TRNT1: variants seen among roughly 807,000 people sequenced by gnomAD.
The protein encoded by TRNT1 is tRNA nucleotidyl transferase 1, also known as CCA tRNA nucleotidyltransferase 1, mitochondrial.
Under a neutral mutation model 45.6 loss-of-function variants are expected in TRNT1, and 44 were observed. The ratio of observed to expected loss-of-function variants is 0.97; its 90% CI spans 0.76 to 1.24. The LOEUF is 1.24. Ranked by LOEUF, TRNT1 falls within the 50% of genes most tolerant of loss-of-function variation. The pLI, the probability that TRNT1 is intolerant of heterozygous loss-of-function variation, is 0.00. For missense variants in TRNT1, 633 were observed against 504.4 expected (o/e 1.25, Z -2.44); for synonymous variants, 201 against 171.4 (o/e 1.17, Z -1.35).
At chr3:3,150,895 T>G, downstream of TRNT1, 1 of 1,613,970 alleles carries the variant, frequency 6.2e-7, no homozygotes, top group Non-Finnish European at 8.5e-7. Flanking sequence ...TGTCTGGACT[T>G]ATTTCATCTT....
downstream of TRNT1, chr3:3,152,431 A>AG (rs1559240710): frequency 6.2e-7 from 1 of 1,602,642 alleles, no homozygotes; most frequent in Admixed American, 1.7e-5. Flanking sequence ...AAGAAAAAAA[A>AG]AAGCAACCAC....
At chr3:3,136,873 ACTC>A (rs769864234) in intron 2 of TRNT1, 17 of 288,818 alleles carry the variant, frequency 5.9e-5, no homozygotes, top group Non-Finnish European at 1.2e-4. Context: ...CTGGTCTTGA[ACTC>A]CTGGGCTCAA....
At chr3:3,131,107 T>A (rs1393123640) in intron 2 of TRNT1, among the ~76,000 whole-genome samples, 1 of 152,070 alleles carries the variant, frequency 6.6e-6, no homozygotes, top group Non-Finnish European at 1.5e-5. Flanking sequence ...TGAGATATTT[T>A]ATATTCTTAC....
chr3:3,147,196 A>G (rs1172103829), intron 6 of TRNT1, among the ~76,000 whole-genome samples: 1 of 152,102 alleles, frequency 6.6e-6, no homozygotes, highest in East Asian at 1.9e-4. Context: ...GTCTGACACC[A>G]CTGTCACCAC....
At chr3:3,143,480 C>T (rs1350016151) in intron 4 of TRNT1, among the ~76,000 whole-genome samples, 1 of 152,182 alleles carries the variant, frequency 6.6e-6, no homozygotes, top group African/African-American at 2.4e-5. Context: ...ACAGTGAAGT[C>T]TCCTGATCTG....
At chr3:3,138,034 AAC>A (rs1705433958) in intron 3 of TRNT1, among the ~76,000 whole-genome samples, 1 of 152,214 alleles carries the variant, frequency 6.6e-6, no homozygotes, top group Admixed American at 6.5e-5. Context: ...AAAAGATTTA[AAC>A]ACATTATATC....
rs199931785 is a variant in TRNT1 at position 3,148,095 on chromosome 3, A to G, written c.1246A>G (p.Lys416Glu). 106 of 1,613,526 alleles carry G rather than the reference A, an allele frequency of 6.6e-5. No individual in the cohort carries two copies. The highest frequency in any genetic ancestry group is 1.6e-4 in the Middle Eastern group (1 of 6,080). ...ALLQQLREQW[K>E]KSGYQMEKDE... ...ATTACAACAGTTGCGAGAACAGTGG[A>G]AAAAAAGTGGTTACCAAATGGAAAA... Residue 416 changes from lysine (K) to glutamate (E), a missense_variant, in exon 8 of 8, where the codon AAA (lysine) becomes GAA (glutamate). Lys to Glu is a moderately conservative substitution (Grantham distance 56). Transcript: ENST00000251607.
chr3:3,136,152 G>T (rs983120527), intron 2 of TRNT1, among the ~76,000 whole-genome samples: 1 of 152,090 alleles, frequency 6.6e-6, no homozygotes, highest in African/African-American at 2.4e-5. Flanking sequence ...TTCATGTTTC[G>T]TGTATGTTTA....
At chr3:3,153,188 C>T (rs1457077245), downstream of TRNT1, 1 of 458,898 alleles carries the variant, frequency 2.2e-6, no homozygotes, top group African/African-American at 2.0e-5. Flanking sequence ...AAAAGAATTT[C>T]TCAGTTGTTT....
chr3:3,139,656 A>T (rs168024), intron 3 of TRNT1, among the ~76,000 whole-genome samples: 140,345 of 152,264 alleles, frequency 0.92, 65,758 homozygotes, highest in East Asian at 1. Context: ...CGCCACCCTA[A>T]CATGAAGTTA....
In TRNT1 at chr3:3,148,020, C is replaced by T; in HGVS notation, c.1171C>T (p.His391Tyr). ...CATTCCTCCATTTCCTGTAAGTGGC[C>T]ATGACATCAGAAAAGTGGGCATTTC... ...WSIPPFPVSGHDIRKVGISSG... is the reference protein window; with the variant it reads ...WSIPPFPVSGYDIRKVGISSG... Residue 391 changes from histidine (H) to tyrosine (Y), a missense_variant, in exon 8 of 8, where the codon CAT becomes TAT. By Grantham distance (83) the His-to-Tyr change is moderately conservative. Transcript: ENST00000251607. The T allele has an allele frequency of 6.2e-7, 1 of 1,613,920 alleles. No individual in the cohort carries two copies. The highest frequency in any genetic ancestry group is 8.5e-7 in the Non-Finnish European group (1 of 1,179,884).
At position 3,147,831 on chromosome 3, in the gene TRNT1, T is replaced by C. The variant is rs1415519135; in HGVS notation, c.1057-75T>C. On this transcript the variant is annotated intron_variant, in intron 7 of 7. Coordinates refer to ENST00000251607, the MANE Select transcript of TRNT1 (RefSeq NM_182916.3). ...TAAATGAAAAAATTTATGTTGAGTA[T>C]TTAAATTTTAGGATAAGATTGTAAG... is the stretch of plus-strand genomic sequence containing the variant. The C allele has an allele frequency of 2.4e-5, 37 of 1,534,140 alleles. No homozygotes were observed. In the East Asian group the frequency reaches 5.9e-4, roughly 24 times the overall value.
At chr3:3,128,367 C>G (rs757514698) in intron 1 of TRNT1, among the ~76,000 whole-genome samples, 1 of 152,062 alleles carries the variant, frequency 6.6e-6, no homozygotes, top group Non-Finnish European at 1.5e-5. Flanking sequence ...GAGGCTGAGG[C>G]GGGCAGATCA....
chr3:3,141,152 C>T (rs532795525), intron 4 of TRNT1, among the ~76,000 whole-genome samples: 3 of 152,308 alleles, frequency 2.0e-5, no homozygotes, highest in East Asian at 1.9e-4. Flanking sequence ...AAAACAAAAA[C>T]GTTAATTAAT....
chr3:3,150,765 A>G (rs940837083), downstream of TRNT1: 2 of 1,129,244 alleles, frequency 1.8e-6, no homozygotes, highest in Admixed American at 2.1e-5. Flanking sequence ...TTAGGTATTA[A>G]TGTTATGTTT....
At position 3,137,686 on chromosome 3, in the gene TRNT1, T is replaced by C. The variant is rs1575050672; in HGVS notation, c.342+233T>C. ...CGGGTATTTACTTTTCAGTTTTTAC[T>C]ATCCCAGTTTTAAGATGTGTTACGT... On this transcript the variant is annotated intron_variant, in intron 3 of 7. Transcript: ENST00000251607. 2.0e-5 allele frequency among the ~76,000 whole-genome samples: 3 copies of C among 150,816 alleles called. No individual in the cohort carries two copies. In the East Asian group the frequency reaches 5.8e-4, roughly 29 times the overall value.
Position 3,148,954 on chromosome 3 carries a change from A to G in TRNT1, c.*800A>G, listed in dbSNP as rs1374353054. ...TTTTATTAATTAAAAGGATATGGCT[A>G]TTATTATATATTCTCTAAAGATTTG... is the stretch of plus-strand genomic sequence containing the variant. On this transcript the variant is annotated 3_prime_UTR_variant, in exon 8 of 8. Coordinates refer to ENST00000251607, the MANE Select transcript of TRNT1 (RefSeq NM_182916.3). 1 of 97,818 alleles carries G rather than the reference A, an allele frequency of 1.0e-5. No homozygotes were observed. The highest frequency in any genetic ancestry group is 2.7e-5 in the Non-Finnish European group (1 of 37,220). 6.1% of individuals were successfully genotyped at this position (97,818 alleles called of 1,614,324 possible). A position where few individuals can be genotyped will look rare whatever the true frequency, so the allele number is the denominator to read the frequency against.
intron 2 of TRNT1, among the ~76,000 whole-genome samples, chr3:3,133,803 T>A (rs1321653688): frequency 6.6e-6 from 1 of 152,050 alleles, no homozygotes; most frequent in Non-Finnish European, 1.5e-5. Flanking sequence ...GAACAGATGG[T>A]CTGTTTTTCT....
downstream of TRNT1, chr3:3,150,987 T>C (rs1199422022): frequency 6.2e-7 from 1 of 1,614,038 alleles, no homozygotes; most frequent in Admixed American, 1.7e-5. Context: ...TTGGTGGCCG[T>C]AAACTTCCAT....
Sources: gnomAD v4.1 joint callset for allele counts (sites outside exome capture counted in the v4.1 genomes callset) on GRCh38, gnomAD v4.1.1 for gene constraint, MANE v1.5 for transcripts, NCBI Gene and HGNC (gene_info 2026-07-23, HGNC 2026-07-21) for gene names.